DNAH14: variants seen among roughly 807,000 people sequenced by gnomAD.
DNAH14 encodes axonemal beta dynein heavy chain 14.
DNAH14 carries 478 observed loss-of-function variants against 520.9 expected under a neutral mutation model. The observed-to-expected ratio is 0.92, with a 90% CI of 0.85 to 0.99. DNAH14 has a LOEUF of 0.99. Ranked by LOEUF, DNAH14 falls within the 50% of genes least tolerant of loss-of-function variation. The pLI, the probability that DNAH14 is intolerant of heterozygous loss-of-function variation, is 0.00. For synonymous variants in DNAH14, 1,581 were observed against 1,757.2 expected (o/e 0.90, Z 2.51); for missense variants, 4,831 against 5,234.5 (o/e 0.92, Z 2.38).
At chr1:225,346,877 T>A (rs529259694) in intron 71 of DNAH14, among the ~76,000 whole-genome samples, 52 of 152,288 alleles carry the variant, frequency 3.4e-4, no homozygotes, top group Non-Finnish European at 5.7e-4. Context: ...GAATATCTAA[T>A]GGTAGTCAAC....
intron 35 of DNAH14, among the ~76,000 whole-genome samples, chr1:225,160,479 G>C (rs563530398): frequency 7.2e-5 from 11 of 152,240 alleles, no homozygotes; most frequent in African/African-American, 2.6e-4. Context: ...CATTTATTAG[G>C]TGATGTAGGA....
intron 76 of DNAH14, among the ~76,000 whole-genome samples, chr1:225,367,008 TACACACACACACAC>T (rs111814272): frequency 1.9e-4 from 28 of 149,494 alleles, no homozygotes; most frequent in Non-Finnish European, 3.0e-4. Context: ...CTCATGTTCA[TACACACACACACAC>T]ACACACACAC....
intron 8 of DNAH14, among the ~76,000 whole-genome samples, chr1:224,985,921 A>C (rs1397290555): frequency 6.6e-6 from 1 of 152,076 alleles, no homozygotes; most frequent in Non-Finnish European, 1.5e-5. Flanking sequence ...TAGCCTCAAA[A>C]GGGTGAATCT....
chr1:225,124,334 G>T (rs750811898), intron 27 of DNAH14, among the ~76,000 whole-genome samples: 1 of 152,140 alleles, frequency 6.6e-6, no homozygotes, highest in Non-Finnish European at 1.5e-5. Context: ...TCTTTGTAGC[G>T]TGCGATGCTT....
chr1:225,102,386 A>G (rs1196615185), intron 23 of DNAH14, among the ~76,000 whole-genome samples: 1 of 152,122 alleles, frequency 6.6e-6, no homozygotes, highest in African/African-American at 2.4e-5. Context: ...CATGATTTAT[A>G]ATCCTTTGGG....
chr1:225,293,451 G>C (rs1318753007), intron 55 of DNAH14, among the ~76,000 whole-genome samples: 1 of 152,050 alleles, frequency 6.6e-6, no homozygotes, highest in Non-Finnish European at 1.5e-5. Context: ...GCTGGATAAA[G>C]AATATGTAGA....
chr1:225,363,743 A>G (rs933804527), intron 75 of DNAH14, among the ~76,000 whole-genome samples: 7 of 152,224 alleles, frequency 4.6e-5, no homozygotes, highest in African/African-American at 1.4e-4. Context: ...ATCCTGCTGT[A>G]TAATTTAACT....
chr1:224,983,475 T>C (rs905560483), intron 8 of DNAH14, among the ~76,000 whole-genome samples: 2 of 152,088 alleles, frequency 1.3e-5, no homozygotes, highest in South Asian at 2.1e-4. Flanking sequence ...TTGAAAGCAC[T>C]GAGAACGGGA....
At chr1:225,358,361 A>T in intron 73 of DNAH14, 135 bp from the exon 74 acceptor site, 5 of 764,468 alleles carry the variant, frequency 6.5e-6, no homozygotes, top group Non-Finnish European at 1.0e-5. Context: ...CTGTCCCATT[A>T]AGCTTCCTCA....
chr1:224,932,550 T>C (rs1025215990), intron 1 of DNAH14, among the ~76,000 whole-genome samples: 1 of 152,148 alleles, frequency 6.6e-6, no homozygotes, highest in African/African-American at 2.4e-5. Context: ...AGGAGAGTTT[T>C]CCCTAGTTTT....
At chr1:225,160,349 T>G (rs1339797160) in intron 35 of DNAH14, among the ~76,000 whole-genome samples, 1 of 152,192 alleles carries the variant, frequency 6.6e-6, no homozygotes, top group Non-Finnish European at 1.5e-5. Flanking sequence ...AACAAACCAC[T>G]TCATAATTAT....
At chr1:225,361,875 A>G (rs886114845) in intron 75 of DNAH14, among the ~76,000 whole-genome samples, 1 of 152,104 alleles carries the variant, frequency 6.6e-6, no homozygotes, top group Admixed American at 6.5e-5. Context: ...TCAATCAATC[A>G]ATCAATACTA....
chr1:224,957,947 G>C (rs1454406092), intron 3 of DNAH14, among the ~76,000 whole-genome samples: 1 of 151,862 alleles, frequency 6.6e-6, no homozygotes, highest in African/African-American at 2.4e-5. Context: ...ATATGCAAAA[G>C]AAAAAAGGAG....
rs1294467734 is a variant in DNAH14, at chr1:225,365,210, C to T, written c.12090+316C>T. On this transcript the variant is annotated intron_variant, in intron 76 of 85. Transcript: ENST00000682510. ...CTTCTCTAGCATTTCTTATTTCTGC[C>T]CTACTTAACCGTTTTATTATTAATT... is the stretch of plus-strand genomic sequence containing the variant. 2.6e-5 allele frequency among the ~76,000 whole-genome samples: 4 copies of T among 152,214 alleles called. No homozygotes were observed. In the East Asian group the frequency reaches 5.8e-4, roughly 22 times the overall value.
At chr1:224,945,507 G>A (rs2501069) in intron 1 of DNAH14, among the ~76,000 whole-genome samples, 14,594 of 152,042 alleles carry the variant, frequency 0.096, 2,255 homozygotes, top group African/African-American at 0.33. Context: ...GTCATTCTCC[G>A]TCCAGCTTTG....
chr1:225,052,690 G>T (rs1182464372), intron 17 of DNAH14, among the ~76,000 whole-genome samples: 1 of 152,176 alleles, frequency 6.6e-6, no homozygotes, highest in Admixed American at 6.5e-5. Context: ...CCATCTAAAG[G>T]AGGAGTGGGA....
At chr1:225,379,443 T>C (rs552432304) in intron 79 of DNAH14, among the ~76,000 whole-genome samples, 63 of 152,324 alleles carry the variant, frequency 4.1e-4, no homozygotes, top group African/African-American at 1.5e-3. Flanking sequence ...AGACGGAACT[T>C]AAGCAGAGGA....
chr1:225,388,651 G>T (rs2095868931), intron 82 of DNAH14, among the ~76,000 whole-genome samples, 160 bp downstream of exon 82: 1 of 152,256 alleles, frequency 6.6e-6, no homozygotes, highest in Admixed American at 6.5e-5. Flanking sequence ...AGAAAGTGGG[G>T]ACCTAAGATG....
At chr1:225,212,231 G>T (rs1355704932) in intron 41 of DNAH14, among the ~76,000 whole-genome samples, 3 of 151,918 alleles carry the variant, frequency 2.0e-5, no homozygotes, top group Non-Finnish European at 4.4e-5. Flanking sequence ...CAAAGGACAT[G>T]AACTCATCCT....
Sources: gnomAD v4.1 joint callset for allele counts (sites outside exome capture counted in the v4.1 genomes callset) on GRCh38, gnomAD v4.1.1 for gene constraint, MANE v1.5 for transcripts, NCBI Gene and HGNC (gene_info 2026-07-23, HGNC 2026-07-21) for gene names.